RP1: variants seen among roughly 807,000 people sequenced by gnomAD.
The protein encoded by RP1 is RP1 axonemal microtubule associated.
In RP1, 16 loss-of-function variants were observed where a neutral mutation model predicts 14.8. That is an observed-to-expected ratio of 1.08 (90% confidence interval 0.73 to 1.65). The LOEUF (loss-of-function observed/expected upper bound fraction) is 1.65. Ranked by LOEUF, RP1 falls within the 40% of genes most tolerant of loss-of-function variation. The pLI, the probability that RP1 is intolerant of heterozygous loss-of-function variation, is 0.00. For missense variants in RP1, 2,631 were observed against 2,535.0 expected (o/e 1.04, Z -0.81); for synonymous variants, 876 against 883.6 (o/e 0.99, Z 0.15).
rs141074157 is a variant in RP1 at position 54,621,290 on chromosome 8, C to T, written c.324C>T (p.His108=). 37 of 1,613,948 alleles carry T rather than the reference C, an allele frequency of 2.3e-5. No individual in the cohort carries two copies. The African/African-American group carries it at 4.1e-4, about 18-fold the overall frequency. The change falls in exon 2 of 4, where the codon CAC becomes CAT. Residue 108 remains histidine (H), a synonymous_variant. Coordinates refer to ENST00000220676, the MANE Select transcript of RP1 (RefSeq NM_006269.2). ...LEDGESYLCS[H]GRKVQPVDLD... ...ACGGCGAGTCCTACCTATGTTCCCACGGCAGGAAGGTGCAGCCTGTAGACC... is the reference window on the plus strand; with the variant it reads ...ACGGCGAGTCCTACCTATGTTCCCATGGCAGGAAGGTGCAGCCTGTAGACC...
intron 1 of RP1, among the ~76,000 whole-genome samples, chr8:54,571,511 A>G (rs563588748): frequency 1.3e-5 from 2 of 152,044 alleles, no homozygotes; most frequent in Non-Finnish European, 2.9e-5. Flanking sequence ...GCCCCTATGC[A>G]CCCCAGTCCT....
chr8:54,826,842 C>G (rs1408605717), intron 24 of RP1, among the ~76,000 whole-genome samples: 1 of 152,176 alleles, frequency 6.6e-6, no homozygotes, highest in African/African-American at 2.4e-5. Context: ...GTAATTTTGT[C>G]ATTGTGTAAA....
intron 25 of RP1, among the ~76,000 whole-genome samples, chr8:54,852,375 A>G (rs1812077081): frequency 6.6e-6 from 1 of 152,206 alleles, no homozygotes; most frequent in South Asian, 2.1e-4. Flanking sequence ...AGTTCTGGGA[A>G]TAGCTGAGTC....
At chr8:54,846,141 G>T (rs758679192) in intron 25 of RP1, among the ~76,000 whole-genome samples, 1 of 152,114 alleles carries the variant, frequency 6.6e-6, no homozygotes, top group Non-Finnish European at 1.5e-5. Flanking sequence ...AATATGAGAT[G>T]ACCGTTACAA....
At chr8:54,576,416 C>T (rs1012832112) in intron 1 of RP1, among the ~76,000 whole-genome samples, 5 of 152,258 alleles carry the variant, frequency 3.3e-5, no homozygotes, top group Non-Finnish European at 7.3e-5. Flanking sequence ...TTAACAACTT[C>T]ATTTGCAGCC....
intron 12 of RP1, among the ~76,000 whole-genome samples, chr8:54,692,726 C>T (rs1366896914): frequency 6.7e-6 from 1 of 148,542 alleles, no homozygotes; most frequent in African/African-American, 2.5e-5. Context: ...AGCCCTTTGT[C>T]AGATGAGTAG....
At chr8:54,608,925 G>T (rs758196650) in intron 1 of RP1, among the ~76,000 whole-genome samples, 96 of 152,316 alleles carry the variant, frequency 6.3e-4, no homozygotes, top group Admixed American at 1.1e-3. Context: ...GACAGGATCT[G>T]ACAGTAGATA....
intron 24 of RP1, among the ~76,000 whole-genome samples, chr8:54,806,552 C>A (rs905435069): frequency 6.6e-6 from 1 of 152,142 alleles, no homozygotes; most frequent in Non-Finnish European, 1.5e-5. Flanking sequence ...TTTTTTTCAA[C>A]TCCCACATTT....
intron 15 of RP1, among the ~76,000 whole-genome samples, chr8:54,713,966 C>G (rs1808346134): frequency 1.3e-5 from 2 of 152,170 alleles, no homozygotes; most frequent in African/African-American, 4.8e-5. Flanking sequence ...AGAAATTTGA[C>G]CTAACAGATT....
chr8:54,794,081 G>GATA (rs1174644828), intron 24 of RP1, among the ~76,000 whole-genome samples: 6 of 151,804 alleles, frequency 4.0e-5, no homozygotes, highest in Non-Finnish European at 8.8e-5. Flanking sequence ...TAAACGGAAA[G>GATA]ATATTCCATG....
At chr8:54,848,790 C>T (rs1811989601) in intron 25 of RP1, among the ~76,000 whole-genome samples, 1 of 151,962 alleles carries the variant, frequency 6.6e-6, no homozygotes, top group Non-Finnish European at 1.5e-5. Context: ...ACTCTGTTGC[C>T]CAGGCTAGAG....
intron 25 of RP1, among the ~76,000 whole-genome samples, chr8:54,841,903 T>A (rs1216513206): frequency 2.0e-5 from 3 of 152,162 alleles, no homozygotes; most frequent in Non-Finnish European, 4.4e-5. Context: ...ATGCCAGACT[T>A]TGGCAAGTGG....
intron 12 of RP1, among the ~76,000 whole-genome samples, chr8:54,687,699 CA>C (rs1198450602): frequency 9.2e-5 from 14 of 152,096 alleles, no homozygotes; most frequent in African/African-American, 2.7e-4. Context: ...TTTTCTTTAT[CA>C]AGTCTATCAT....
At chr8:54,587,054 G>T (rs1804946159) in intron 1 of RP1, among the ~76,000 whole-genome samples, 1 of 152,208 alleles carries the variant, frequency 6.6e-6, no homozygotes, top group South Asian at 2.1e-4. Flanking sequence ...ACCTCAGTTG[G>T]AAATGCAGAA....
intron 27 of RP1, among the ~76,000 whole-genome samples, chr8:54,857,384 A>G (rs1812230297): frequency 6.7e-6 from 1 of 148,228 alleles, no homozygotes; most frequent in Admixed American, 6.8e-5. Context: ...TAATGTAAAT[A>G]TTTAATGTAG....
At chr8:54,845,180 G>A (rs1037320605) in intron 25 of RP1, among the ~76,000 whole-genome samples, 3 of 152,222 alleles carry the variant, frequency 2.0e-5, no homozygotes, top group African/African-American at 7.2e-5. Context: ...GAGGAGACAA[G>A]TTCCAATGAC....
chr8:54,654,448 G>A (rs996187717), intron 5 of RP1, among the ~76,000 whole-genome samples: 1 of 152,008 alleles, frequency 6.6e-6, no homozygotes, highest in African/African-American at 2.4e-5. Flanking sequence ...TCAGCTTTGG[G>A]CCTTAATTAA....
intron 4 of RP1, among the ~76,000 whole-genome samples, chr8:54,649,340 A>G (rs1806611890): frequency 6.6e-6 from 1 of 152,178 alleles, no homozygotes; most frequent in African/African-American, 2.4e-5. Context: ...GACAGTAGCT[A>G]GAGAGAAATA....
At chr8:54,571,780 C>T (rs892654625) in intron 1 of RP1, among the ~76,000 whole-genome samples, 2 of 152,132 alleles carry the variant, frequency 1.3e-5, no homozygotes, top group Non-Finnish European at 2.9e-5. Flanking sequence ...TTCCTCAGCT[C>T]CTGGTGGTTT....
Sources: gnomAD v4.1 joint callset for allele counts (sites outside exome capture counted in the v4.1 genomes callset) on GRCh38, gnomAD v4.1.1 for gene constraint, MANE v1.5 for transcripts, NCBI Gene and HGNC (gene_info 2026-07-23, HGNC 2026-07-21) for gene names.